VRK1: variants seen among roughly 807,000 people sequenced by gnomAD.
VRK1 encodes VRK serine/threonine kinase 1.
In VRK1, 33 loss-of-function variants were observed where a neutral mutation model predicts 57.1. The observed-to-expected ratio is 0.58, with a 90% confidence interval of 0.44 to 0.77. VRK1 has a LOEUF of 0.77. VRK1 is among the 30% of genes least tolerant of loss of function. The probability of loss-of-function intolerance (pLI) is 0.00; values close to 1 mark genes in which losing one functional copy is unlikely to be tolerated. For synonymous variants in VRK1, 137 were observed against 147.8 expected (o/e 0.93, Z 0.53); for missense variants, 413 against 477.3 (o/e 0.87, Z 1.25).
At chr14:96,873,986 A>T (rs960658258) in intron 11 of VRK1, among the ~76,000 whole-genome samples, 2 of 152,102 alleles carry the variant, frequency 1.3e-5, no homozygotes, top group African/African-American at 4.8e-5. Flanking sequence ...TTTCCTTCCT[A>T]TGTAATTTAC....
intron 3 of VRK1, 138 bp downstream of exon 3, chr14:96,837,955 A>G (rs1053904886): frequency 2.1e-6 from 1 of 482,172 alleles, no homozygotes; most frequent in South Asian, 7.0e-5. Flanking sequence ...ATTTAATAAG[A>G]CACAAAAGTA....
chr14:96,852,303 A>G (rs1887982529), intron 5 of VRK1, among the ~76,000 whole-genome samples: 1 of 152,142 alleles, frequency 6.6e-6, no homozygotes, highest in Non-Finnish European at 1.5e-5. Context: ...AATCTTGGCC[A>G]TTGAGTGTTT....
At chr14:96,823,367 T>C (rs758995306) in intron 1 of VRK1, among the ~76,000 whole-genome samples, 6 of 152,222 alleles carry the variant, frequency 3.9e-5, no homozygotes, top group Non-Finnish European at 8.8e-5. Context: ...GAACAGACTA[T>C]GTCATTACCC....
chr14:96,849,428 T>A (rs577060848), intron 5 of VRK1, among the ~76,000 whole-genome samples: 2 of 151,424 alleles, frequency 1.3e-5, no homozygotes, highest in African/African-American at 4.9e-5. Flanking sequence ...CCTCTTTCCA[T>A]AATTTGAGTA....
intron 10 of VRK1, among the ~76,000 whole-genome samples, chr14:96,860,099 T>C (rs1310972917): frequency 1.3e-5 from 2 of 152,156 alleles, no homozygotes; most frequent in Non-Finnish European, 2.9e-5. Flanking sequence ...TCTTCTTTCT[T>C]TGGCCTCTTT....
intron 1 of VRK1, among the ~76,000 whole-genome samples, chr14:96,826,795 T>C (rs1451145289): frequency 6.6e-6 from 1 of 152,218 alleles, no homozygotes; most frequent in Non-Finnish European, 1.5e-5. Flanking sequence ...ATTTTATTTC[T>C]TTGAGCAGGG....
rs552566924 is a variant in VRK1 at position 96,860,881 on chromosome 14, G to T, written c.1068+146G>T. On this transcript the variant is annotated intron_variant, in intron 11 of 12. Coordinates refer to ENST00000216639, the MANE Select transcript of VRK1 (RefSeq NM_003384.3). ...AAACATTTTTTGTAATACAGAAAAT[G>T]TGTAGAGGGTTGTAGAAAAATAAAT... 3 of 707,400 alleles carry T rather than the reference G, an allele frequency of 4.2e-6. No homozygotes were observed. The African/African-American group carries it at 5.4e-5, about 13-fold the overall frequency. The allele number at this position is 707,400 out of a possible 1,614,324, so 43.8% of individuals were successfully genotyped here. A position where few individuals can be genotyped will look rare whatever the true frequency, so the allele number is the denominator to read the frequency against.
At chr14:96,879,726 C>T (rs1183182394) in intron 12 of VRK1, among the ~76,000 whole-genome samples, 6 of 151,680 alleles carry the variant, frequency 4.0e-5, no homozygotes, top group African/African-American at 9.7e-5. Context: ...GTCAGGAGTT[C>T]GACACCAGCC....
chr14:96,843,210 A>G (rs1371416563), intron 3 of VRK1, among the ~76,000 whole-genome samples: 1 of 152,230 alleles, frequency 6.6e-6, no homozygotes, highest in East Asian at 1.9e-4. Flanking sequence ...GCAAGGAGAA[A>G]GAAATTTTCT....
In VRK1 at chr14:96,876,236, C is replaced by A. The variant is rs149457844; in HGVS notation, c.1159+116C>A. 3.7e-4 allele frequency: 331 copies of A among 902,444 alleles called. 4 individuals carry two copies. The African/African-American group carries it at 4.0e-3, about 11-fold the overall frequency. 55.9% of individuals were successfully genotyped at this position (902,444 alleles called of 1,614,324 possible). The stretch of plus-strand genomic sequence containing the variant: ...GACCTTTTGATTTTATAATAAAATA[C>A]CACAAGATTTTTATATAGTATGTAT... On this transcript the variant is annotated intron_variant, in intron 12 of 12. Transcript: ENST00000216639.
chr14:96,849,671 T>C (rs753678581), intron 5 of VRK1, among the ~76,000 whole-genome samples: 1 of 152,154 alleles, frequency 6.6e-6, no homozygotes, highest in African/African-American at 2.4e-5. Context: ...ACAGAGTAAG[T>C]GCTGAGGAAA....
chr14:96,865,591 CTA>C lies in VRK1; in HGVS notation c.1068+4859_1068+4860del, dbSNP rs1299141624. On this transcript the variant is annotated intron_variant, in intron 11 of 12. Coordinates refer to ENST00000216639, the MANE Select transcript of VRK1 (RefSeq NM_003384.3). ...GATTTTGACTAAAGTTGACTTTACT[CTA>C]TAGAGCAATTCGGAAAGAACTGACA... Among the ~76,000 whole-genome samples, 4 of 152,258 alleles carry C rather than the reference CTA, an allele frequency of 2.6e-5. No homozygotes were observed. The East Asian group carries it at 7.7e-4, about 29-fold the overall frequency.
intron 1 of VRK1, among the ~76,000 whole-genome samples, chr14:96,811,472 G>A (rs535807659): frequency 9.2e-5 from 14 of 152,296 alleles, no homozygotes; most frequent in African/African-American, 3.4e-4. Flanking sequence ...ATCAGCAGAA[G>A]TCATTCAAGA....
intron 1 of VRK1, among the ~76,000 whole-genome samples, chr14:96,833,073 A>G (rs772410145): frequency 6.6e-5 from 10 of 152,130 alleles, no homozygotes; most frequent in African/African-American, 4.8e-5. Context: ...ACTGTGTTCT[A>G]TCATATCGGT....
At chr14:96,829,944 G>C (rs948437776) in intron 1 of VRK1, among the ~76,000 whole-genome samples, 5 of 151,976 alleles carry the variant, frequency 3.3e-5, no homozygotes, top group African/African-American at 1.2e-4. Flanking sequence ...GATTCTTATT[G>C]CTGTTTTCTA....
intron 10 of VRK1, among the ~76,000 whole-genome samples, chr14:96,856,812 C>G (rs1888175500): frequency 6.6e-6 from 1 of 151,978 alleles, no homozygotes; most frequent in Admixed American, 6.6e-5. Context: ...ACTAAAAGTA[C>G]AAAAAATTAG....
rs745746897 is a variant in VRK1, at chr14:96,833,430, A to G, written c.-5-37A>G. On this transcript the variant is annotated intron_variant, in intron 1 of 12. Coordinates refer to ENST00000216639, the MANE Select transcript of VRK1 (RefSeq NM_003384.3). The stretch of plus-strand genomic sequence containing the variant: ...GAAAAATGTTTTAAACACTTCTAAG[A>G]TTAGAATTCTGACCATTTCTTTGTT... 2.2e-5 allele frequency: 36 copies of G among 1,611,430 alleles called. 1 individual carries two copies. In the East Asian group the frequency reaches 7.4e-4, roughly 33 times the overall value.
chr14:96,839,903 A>T (rs1431611989), intron 3 of VRK1, among the ~76,000 whole-genome samples: 5 of 152,092 alleles, frequency 3.3e-5, no homozygotes, highest in Non-Finnish European at 5.9e-5. Flanking sequence ...AATTACATTG[A>T]TTGATATTTG....
At chr14:96,860,387 G>A (rs1426442398) in intron 10 of VRK1, among the ~76,000 whole-genome samples, 170 bp from the exon 11 acceptor site, 1 of 151,928 alleles carries the variant, frequency 6.6e-6, no homozygotes. Flanking sequence ...TCAGTTATCT[G>A]ACAATTCCTG....
Sources: gnomAD v4.1 joint callset for allele counts (sites outside exome capture counted in the v4.1 genomes callset) on GRCh38, gnomAD v4.1.1 for gene constraint, MANE v1.5 for transcripts, NCBI Gene and HGNC (gene_info 2026-07-23, HGNC 2026-07-21) for gene names.